Variants in YWHAZ observed in about 807,000 individuals in gnomAD.
The protein encoded by YWHAZ is tyrosine 3-monooxygenase/tryptophan 5-monooxygenase activation protein zeta.
For missense variants in YWHAZ, 79 were observed against 284.8 expected, an observed-to-expected ratio of 0.28 and a Z score of 5.20; for synonymous variants, 87 against 103.6, an observed-to-expected ratio of 0.84 and a Z score of 0.97.
intron 1 of YWHAZ, chr8:100,951,231 C>T: frequency 8.1e-6 from 8 of 985,100 alleles, no homozygotes; most frequent in Non-Finnish European, 9.6e-6. Flanking sequence ...TCGCCCCGGT[C>T]TACCTGGCGG....
In YWHAZ at chr8:100,934,157, CAAAAAAAAAAAAAAA is replaced by C. The variant is rs35069019; in HGVS notation, c.295-9133_295-9119del. Among the ~76,000 whole-genome samples the C allele has an allele frequency of 7.7e-5, 6 of 78,230 alleles. No individual in the cohort carries two copies. In the East Asian group the frequency reaches 1.2e-3, roughly 16 times the overall value. The allele number at this position is 78,230 out of a possible 152,430, so 51.3% of individuals were successfully genotyped here. On this transcript the variant is annotated intron_variant, in intron 2 of 5. Transcript: ENST00000395958. ...CTGGGCAACAAAGCTAGACTCGTCT[CAAAAAAAAAAAAAAA>C]AAAAAAAAAAAAAATTAGCCTAGTG...
At chr8:100,951,234 C>A (rs546413625) in intron 1 of YWHAZ, 2 of 985,136 alleles carry the variant, frequency 2.0e-6, no homozygotes, top group African/African-American at 3.5e-5. Flanking sequence ...CCCCGGTCTA[C>A]CTGGCGGGCG....
At position 100,917,742 on chromosome 8, in the gene YWHAZ, C is replaced by T. The variant is rs1374055892; in HGVS notation, c.*2951G>A. The T allele has an allele frequency of 6.6e-6, 1 of 152,082 alleles. No individual in the cohort carries two copies. The highest frequency in any genetic ancestry group is 2.4e-5 in the African/African-American group (1 of 41,416). The allele number at this position is 152,082 out of a possible 1,614,324, so 9.4% of individuals were successfully genotyped here. On this transcript the variant is annotated 3_prime_UTR_variant, in exon 6 of 6. Coordinates refer to ENST00000395958, the MANE Select transcript of YWHAZ (RefSeq NM_145690.3). The stretch of plus-strand genomic sequence containing the variant: ...TAAAAACAAACGAACAAAAAAATTC[C>T]AGTACTTTACACACAAAAAGTCATT...
chr8:100,921,862 A>T (rs1813046962), intron 5 of YWHAZ, among the ~76,000 whole-genome samples: 1 of 152,252 alleles, frequency 6.6e-6, no homozygotes, highest in Admixed American at 6.5e-5. Context: ...AGGTAATTAC[A>T]AAAGGATTCA....
chr8:100,930,112 T>A (rs1393716422), intron 2 of YWHAZ, among the ~76,000 whole-genome samples: 2 of 152,164 alleles, frequency 1.3e-5, no homozygotes, highest in Non-Finnish European at 2.9e-5. Flanking sequence ...ATTTCAACCG[T>A]ATTTAGAACG....
rs1554611379 is a variant in YWHAZ at position 100,918,408 on chromosome 8, T to TTATATATATATATATTTATA, written c.*2284_*2285insTATAAATATATATATATATA. ...AGTCTAGCTATAAAATATAATTACT[T>TTATATATATATATATTTATA]TATATATATATATATATATATATAT... On this transcript the variant is annotated 3_prime_UTR_variant, in exon 6 of 6. Coordinates refer to ENST00000395958, the MANE Select transcript of YWHAZ (RefSeq NM_145690.3). 19 of 41,876 alleles carry TTATATATATATATATTTATA rather than the reference T, an allele frequency of 4.5e-4. No individual in the cohort carries two copies. The highest frequency in any genetic ancestry group is 5.8e-4 in the Non-Finnish European group (12 of 20,782). The allele number at this position is 41,876 out of a possible 1,614,324, so 2.6% of individuals were successfully genotyped here. A position where few individuals can be genotyped will look rare whatever the true frequency, so the allele number is the denominator to read the frequency against.
At chr8:100,952,270 G>A, upstream of YWHAZ, 1 of 522,372 alleles carries the variant, frequency 1.9e-6, no homozygotes, top group Non-Finnish European at 2.5e-6. Flanking sequence ...CTCCCACCCC[G>A]CTCGGCTTCC....
At chr8:100,951,163 C>T in intron 1 of YWHAZ, 2 of 985,058 alleles carry the variant, frequency 2.0e-6, no homozygotes, top group Non-Finnish European at 2.4e-6. Flanking sequence ...AGGTCCCAGG[C>T]GAGCCCCACC....
intron 2 of YWHAZ, among the ~76,000 whole-genome samples, chr8:100,944,836 C>T (rs915047422): frequency 2.6e-5 from 4 of 152,122 alleles, no homozygotes; most frequent in African/African-American, 9.7e-5. Context: ...GCTTAGTTTT[C>T]TCAGAGGGAC....
chr8:100,948,164 G>A lies in YWHAZ; in HGVS notation c.294+432C>T. The A allele has an allele frequency of 6.5e-7, 1 of 1,529,910 alleles. No homozygotes were observed. Among genetic ancestry groups the A allele is most frequent in the Non-Finnish European group, 8.7e-7 (1 of 1,144,440 alleles). 94.8% of individuals were successfully genotyped at this position (1,529,910 alleles called of 1,614,324 possible). On this transcript the variant is annotated intron_variant, in intron 2 of 5. Coordinates refer to ENST00000395958, the MANE Select transcript of YWHAZ (RefSeq NM_145690.3). The surrounding 1 kb of genome is among the most constrained non-coding windows in gnomAD (Gnocchi z 4.2). ...GACTCATTACATTAACATTATAGCG[G>A]CTAATCCTGAGAAGAGTACTATTTC...
intron 2 of YWHAZ, among the ~76,000 whole-genome samples, chr8:100,928,927 TGTTCA>T (rs1364831056): frequency 6.6e-6 from 1 of 152,122 alleles, no homozygotes. Context: ...GGAAGATTTC[TGTTCA>T]GTATGAGAAA....
chr8:100,936,934 C>T (rs1244018985), intron 2 of YWHAZ, among the ~76,000 whole-genome samples: 4 of 152,172 alleles, frequency 2.6e-5, no homozygotes, highest in South Asian at 2.1e-4. Context: ...CAAGACTGAT[C>T]CACATTAAAG....
At chr8:100,932,765 G>T (rs1185892808) in intron 2 of YWHAZ, among the ~76,000 whole-genome samples, 1 of 152,098 alleles carries the variant, frequency 6.6e-6, no homozygotes, top group Non-Finnish European at 1.5e-5. Flanking sequence ...ATAACTGCAA[G>T]TGTTTTTCTT....
At chr8:100,946,345 C>T (rs1235822934) in intron 2 of YWHAZ, among the ~76,000 whole-genome samples, 2 of 152,138 alleles carry the variant, frequency 1.3e-5, no homozygotes, top group African/African-American at 2.4e-5. Context: ...TAGACGTGAC[C>T]TGGTCACCAG....
chr8:100,932,178 CAG>C (rs1813808899), intron 2 of YWHAZ: 2 of 152,160 alleles, frequency 1.3e-5, no homozygotes, highest in African/African-American at 4.8e-5. Flanking sequence ...AAGCATTTAG[CAG>C]AGTCTGGCAA....
intron 2 of YWHAZ, among the ~76,000 whole-genome samples, chr8:100,937,074 ATTTAC>A (rs1298211296): frequency 6.6e-6 from 1 of 152,228 alleles, no homozygotes; most frequent in Non-Finnish European, 1.5e-5. Flanking sequence ...ATAGTTTATC[ATTTAC>A]TTTAATCATT....
At position 100,918,443 on chromosome 8, in the gene YWHAZ, T is replaced by TATATATATATATATATATAA. The variant is rs1417316114; in HGVS notation, c.*2249_*2250insTTATATATATATATATATAT. 1.7e-5 allele frequency: 2 copies of TATATATATATATATATATAA among 117,056 alleles called. No individual in the cohort carries two copies. The highest frequency in any genetic ancestry group is 8.6e-5 in the Admixed American group (1 of 11,608). 7.3% of individuals were successfully genotyped at this position (117,056 alleles called of 1,614,324 possible). A position where few individuals can be genotyped will look rare whatever the true frequency, so the allele number is the denominator to read the frequency against. On this transcript the variant is annotated 3_prime_UTR_variant, in exon 6 of 6. Transcript: ENST00000395958. ...ATATATATATATATATATATATATA[T>TATATATATATATATATATAA]AATTATTTTACCTCCTTGGCTTGGG...
intron 1 of YWHAZ, chr8:100,951,065 G>C (rs947989855): frequency 4.9e-5 from 18 of 369,054 alleles, no homozygotes; most frequent in Non-Finnish European, 6.3e-5. Flanking sequence ...CCGTTCACAA[G>C]GAGCAAAAAA....
chr8:100,946,591 T>C (rs1810293190), intron 2 of YWHAZ, among the ~76,000 whole-genome samples: 1 of 151,924 alleles, frequency 6.6e-6, no homozygotes, highest in African/African-American at 2.4e-5. Context: ...AAAACAAACC[T>C]GCTACAAGTC....
Sources: gnomAD v4.1 joint callset for allele counts (sites outside exome capture counted in the v4.1 genomes callset) on GRCh38, gnomAD v4.1.1 for gene constraint, Gnocchi (gnomAD v3.1) non-coding constraint, MANE v1.5 for transcripts, NCBI Gene and HGNC (gene_info 2026-07-23, HGNC 2026-07-21) for gene names.